Variants in DCAF17 observed in about 807,000 individuals in gnomAD.
DCAF17 encodes the protein DDB1- and CUL4-associated factor 17.
A neutral mutation model predicts 66.0 loss-of-function variants in DCAF17; 48 were observed. The observed-to-expected ratio is 0.73, with a 90% CI of 0.58 to 0.92. The LOEUF is 0.92. Ranked by LOEUF, DCAF17 falls within the 40% of genes least tolerant of loss-of-function variation. The pLI, the probability that DCAF17 is intolerant of heterozygous loss-of-function variation, is 0.00. For missense variants in DCAF17, 562 were observed against 622.8 expected, an observed-to-expected ratio of 0.90 and a Z score of 1.04; for synonymous variants, 206 against 214.6, an observed-to-expected ratio of 0.96 and a Z score of 0.35.
intron 11 of DCAF17, among the ~76,000 whole-genome samples, chr2:171,477,527 C>T (rs371241862): frequency 3.3e-5 from 5 of 152,108 alleles, no homozygotes; most frequent in African/African-American, 4.8e-5. Context: ...GGCATGGTGG[C>T]TCACACCTGT....
chr2:171,480,796 C>T (rs1696707741), intron 13 of DCAF17, among the ~76,000 whole-genome samples, 178 bp from the exon 14 acceptor site: 1 of 152,054 alleles, frequency 6.6e-6, no homozygotes, highest in East Asian at 1.9e-4. Context: ...TTGTAGAATG[C>T]CTTTTTTGTT....
chr2:171,477,468 A>G (rs975227885), intron 11 of DCAF17, among the ~76,000 whole-genome samples: 2 of 151,714 alleles, frequency 1.3e-5, no homozygotes, highest in African/African-American at 4.8e-5. Flanking sequence ...TTTTTTGCCC[A>G]TTCTGGCATT....
intron 12 of DCAF17, among the ~76,000 whole-genome samples, chr2:171,478,614 A>T (rs529919202): frequency 2.0e-5 from 3 of 152,242 alleles, no homozygotes; most frequent in South Asian, 4.1e-4. Context: ...TATGAAATCA[A>T]CTGATAGTGA....
intron 12 of DCAF17, among the ~76,000 whole-genome samples, chr2:171,478,621 G>A (rs1696608321): frequency 6.6e-6 from 1 of 152,204 alleles, no homozygotes; most frequent in African/African-American, 2.4e-5. Context: ...TCAACTGATA[G>A]TGATCATGCT....
chr2:171,447,437 C>T (rs542314932), intron 3 of DCAF17: 43 of 277,618 alleles, frequency 1.5e-4, no homozygotes, highest in Middle Eastern at 2.8e-3. Context: ...CTCAGCTCAC[C>T]GCAACCTCCA....
chr2:171,467,913 T>G (rs1036605551), intron 8 of DCAF17, among the ~76,000 whole-genome samples: 3 of 152,056 alleles, frequency 2.0e-5, no homozygotes, highest in Non-Finnish European at 4.4e-5. Context: ...ATATAACATG[T>G]GACTCTTACA....
Position 171,452,902 on chromosome 2 carries a change from A to G in DCAF17, c.538-222A>G, listed in dbSNP as rs374570811. On this transcript the variant is annotated intron_variant, in intron 5 of 13. Coordinates refer to ENST00000375255, the MANE Select transcript of DCAF17 (RefSeq NM_025000.4). ...CTTTTATGGATTTTTGTCTGTATAT[A>G]TGCGCATGTGTGTCTGAAGGGCTGA... Among the ~76,000 whole-genome samples the G allele has an allele frequency of 9.9e-5, 15 of 152,182 alleles. No individual in the cohort carries two copies. In the East Asian group the frequency reaches 2.7e-3, roughly 27 times the overall value.
chr2:171,469,243 T>C (rs1696096995), intron 9 of DCAF17, among the ~76,000 whole-genome samples: 1 of 152,246 alleles, frequency 6.6e-6, no homozygotes, highest in Non-Finnish European at 1.5e-5. Context: ...AAAATTCTTA[T>C]AGCAACAAGA....
In DCAF17 at chr2:171,473,916, G is replaced by T. The variant is rs1439891137; in HGVS notation, c.1032G>T (p.Trp344Cys). ...EMDCCSLESD[W>C]IYFHPDASGR... The stretch of plus-strand genomic sequence containing the variant: ...ATTGTTGTTCTCTAGAATCTGACTG[G>T]ATCTATTTCCATCCTGATGCTTCTG... Residue 344 changes from tryptophan to cysteine, a missense_variant, in exon 10 of 14, where the codon TGG becomes TGT. Around this residue, in one of 3 missense-constraint regions of DCAF17, gnomAD observed 201 missense variants for 231.1 expected, o/e 0.87. Coordinates refer to ENST00000375255, the MANE Select transcript of DCAF17 (RefSeq NM_025000.4). 3 of 1,613,700 alleles carry T rather than the reference G, an allele frequency of 1.9e-6. No individual in the cohort carries two copies. The highest frequency in any genetic ancestry group is 2.7e-5 in the African/African-American group (2 of 74,904).
At chr2:171,453,790 G>A (rs1695090208) in intron 6 of DCAF17, among the ~76,000 whole-genome samples, 1 of 152,068 alleles carries the variant, frequency 6.6e-6, no homozygotes. Flanking sequence ...TATTCTTGGT[G>A]CATAGTTATT....
chr2:171,460,715 T>C (rs1486381757), intron 8 of DCAF17, among the ~76,000 whole-genome samples: 2 of 151,862 alleles, frequency 1.3e-5, no homozygotes, highest in East Asian at 1.9e-4. Context: ...ATTTTTTGTT[T>C]GGTGGAGATG....
chr2:171,442,580 A>AAAAG (rs1420815797), intron 2 of DCAF17, among the ~76,000 whole-genome samples: 9 of 149,898 alleles, frequency 6.0e-5, no homozygotes, highest in Admixed American at 1.3e-4. Flanking sequence ...AAAAAAAAAA[A>AAAAG]AAAGAAAGAA....
intron 2 of DCAF17, among the ~76,000 whole-genome samples, chr2:171,442,563 CAAAAA>C (rs1176443561): frequency 8.3e-5 from 5 of 60,600 alleles, no homozygotes; most frequent in Non-Finnish European, 9.7e-5. Flanking sequence ...GACTCCATCT[CAAAAA>C]AAAAAAAAAA....
intron 8 of DCAF17, among the ~76,000 whole-genome samples, chr2:171,462,131 G>T (rs1483504659): frequency 6.6e-6 from 1 of 152,130 alleles, no homozygotes; most frequent in African/African-American, 2.4e-5. Context: ...AGTTTTAGAA[G>T]AAAACTTGGG....
intron 6 of DCAF17, among the ~76,000 whole-genome samples, chr2:171,455,897 A>G (rs1695231448): frequency 6.6e-6 from 1 of 151,706 alleles, no homozygotes; most frequent in Non-Finnish European, 1.5e-5. Flanking sequence ...AGTTCCTTTT[A>G]GATTCTGGAT....
At chr2:171,462,765 G>A (rs1478398273) in intron 8 of DCAF17, among the ~76,000 whole-genome samples, 1 of 152,012 alleles carries the variant, frequency 6.6e-6, no homozygotes, top group Non-Finnish European at 1.5e-5. Context: ...TTAAAACATT[G>A]TTTCTAATAG....
chr2:171,478,546 T>C (rs1696604825), intron 12 of DCAF17, among the ~76,000 whole-genome samples: 3 of 152,252 alleles, frequency 2.0e-5, no homozygotes, highest in African/African-American at 7.2e-5. Context: ...GTTGGTTTTA[T>C]GAGTCACTGA....
At chr2:171,478,264 T>C (rs888093547) in intron 12 of DCAF17, among the ~76,000 whole-genome samples, 194 bp downstream of exon 12, 2 of 152,224 alleles carry the variant, frequency 1.3e-5, no homozygotes, top group Non-Finnish European at 2.9e-5. Flanking sequence ...TAATTATTCT[T>C]AAAGTTTTAT....
chr2:171,466,727 GTTTTT>G (rs74268270), intron 8 of DCAF17, among the ~76,000 whole-genome samples: 3 of 133,634 alleles, frequency 2.2e-5, no homozygotes, highest in Non-Finnish European at 4.8e-5. Context: ...TGTTTGTACT[GTTTTT>G]TTTTTTTTTT....
Sources: gnomAD v4.1 joint callset for allele counts (sites outside exome capture counted in the v4.1 genomes callset) on GRCh38, gnomAD v4.1.1 for gene constraint, gnomAD v4.1.1 regional missense constraint, MANE v1.5 for transcripts, NCBI Gene and HGNC (gene_info 2026-07-23, HGNC 2026-07-21) for gene names.